Variants in SMYD3 observed in about 807,000 individuals in gnomAD.
The protein encoded by SMYD3 is SET and MYND domain containing 3.
SMYD3 carries 36 observed loss-of-function variants against 57.7 expected under a neutral mutation model. That is an observed-to-expected ratio of 0.62 (90% CI 0.48 to 0.82). The LOEUF (loss-of-function observed/expected upper bound fraction) is 0.82. SMYD3 is among the 40% of genes least tolerant of loss of function. The pLI, the probability that SMYD3 is intolerant of heterozygous loss-of-function variation, is 0.00. For synonymous variants in SMYD3, 211 were observed against 195.0 expected, an observed-to-expected ratio of 1.08 and a Z score of -0.68; for missense variants, 515 against 538.8, an observed-to-expected ratio of 0.96 and a Z score of 0.44.
rs544528726 is a variant in SMYD3 at position 246,134,893 on chromosome 1, A to G, written c.531+192308T>C. 4.0e-5 allele frequency among the ~76,000 whole-genome samples: 6 copies of G among 151,862 alleles called. No individual in the cohort carries two copies. In the South Asian group the frequency reaches 1.0e-3, roughly 26 times the overall value. ...AGTGTGCTTGTTTGCATATCACACC[A>G]AACTAAAATTACATCCCCAAGAAAA... is the stretch of plus-strand genomic sequence containing the variant. On this transcript the variant is annotated intron_variant, in intron 5 of 11. Transcript: ENST00000490107.
chr1:246,467,900 G>C (rs2067902869), intron 1 of SMYD3, among the ~76,000 whole-genome samples: 1 of 152,134 alleles, frequency 6.6e-6, no homozygotes, highest in Admixed American at 6.5e-5. Context: ...ACATCAAAAA[G>C]AGCACTCACC....
chr1:246,079,770 G>T (rs2147830972), intron 5 of SMYD3, among the ~76,000 whole-genome samples: 1 of 152,272 alleles, frequency 6.6e-6, no homozygotes, highest in South Asian at 2.1e-4. Flanking sequence ...CAAAGTAGGG[G>T]ATGTTAACAA....
At chr1:246,128,807 T>G (rs1296342683) in intron 5 of SMYD3, among the ~76,000 whole-genome samples, 1 of 152,074 alleles carries the variant, frequency 6.6e-6, no homozygotes, top group African/African-American at 2.4e-5. Flanking sequence ...TTTGGTTTTG[T>G]TTTGTTTTGC....
At chr1:246,357,499 CG>C (rs2065926691) in intron 1 of SMYD3, among the ~76,000 whole-genome samples, 1 of 152,160 alleles carries the variant, frequency 6.6e-6, no homozygotes, top group South Asian at 2.1e-4. Flanking sequence ...CAGCAGGCCT[CG>C]GGGCTGCTCT....
intron 10 of SMYD3, among the ~76,000 whole-genome samples, chr1:245,796,659 G>C (rs2047534139): frequency 6.6e-6 from 1 of 152,096 alleles, no homozygotes; most frequent in African/African-American, 2.4e-5. Flanking sequence ...AATCAGTGAG[G>C]CCAGATCAAT....
At chr1:245,911,749 G>C (rs1037259867) in intron 8 of SMYD3, among the ~76,000 whole-genome samples, 2 of 151,972 alleles carry the variant, frequency 1.3e-5, no homozygotes, top group African/African-American at 4.8e-5. Context: ...TAGGTAGAGG[G>C]ATTAAGAGGG....
At chr1:246,431,087 T>G (rs1039025516) in intron 1 of SMYD3, among the ~76,000 whole-genome samples, 7 of 152,096 alleles carry the variant, frequency 4.6e-5, no homozygotes, top group Admixed American at 1.3e-4. Context: ...CAGAAAAGGA[T>G]GCTTAGAAAA....
chr1:246,208,433 A>T (rs1053096663), intron 5 of SMYD3, among the ~76,000 whole-genome samples: 5 of 152,130 alleles, frequency 3.3e-5, no homozygotes, highest in Non-Finnish European at 5.9e-5. Context: ...AATATTCTGA[A>T]TAGTTCACTT....
At chr1:246,312,962 T>G (rs1483549677) in intron 5 of SMYD3, among the ~76,000 whole-genome samples, 1 of 152,148 alleles carries the variant, frequency 6.6e-6, no homozygotes, top group African/African-American at 2.4e-5. Context: ...TTACCCAGGC[T>G]GCAATGCAGT....
rs940162891 is a variant in SMYD3 at position 246,243,169 on chromosome 1, C to T, written c.531+84032G>A. On this transcript the variant is annotated intron_variant, in intron 5 of 11. Transcript: ENST00000490107. The stretch of plus-strand genomic sequence containing the variant: ...ATATACATTCTTCTCAGCACCACAT[C>T]GCACTTATTCAAAGTTATTTATCTT... 4.6e-5 allele frequency among the ~76,000 whole-genome samples: 7 copies of T among 152,062 alleles called. No homozygotes were observed. The East Asian group carries it at 5.8e-4, about 13-fold the overall frequency.
In SMYD3 at chr1:246,056,136, T is replaced by G. The variant is rs535176626; in HGVS notation, c.532-126199A>C. Reference sequence around the variant, plus strand: ...CTGTGGCTTCATGGGTATATAAAACTGTCAAAATTCATCCAATTAAATAGA... The same window carrying G: ...CTGTGGCTTCATGGGTATATAAAACGGTCAAAATTCATCCAATTAAATAGA... On this transcript the variant is annotated intron_variant, in intron 5 of 11. Transcript: ENST00000490107. Among the ~76,000 whole-genome samples the G allele has an allele frequency of 4.6e-5, 7 of 152,308 alleles. No homozygotes were observed. The East Asian group carries it at 1.2e-3, about 25-fold the overall frequency.
intron 4 of SMYD3, among the ~76,000 whole-genome samples, chr1:246,328,674 T>A (rs1302014654): frequency 6.6e-6 from 1 of 151,574 alleles, no homozygotes; most frequent in Non-Finnish European, 1.5e-5. Context: ...ATATGTTTTT[T>A]TATTTTATTT....
rs2063007647 is a variant in SMYD3, at chr1:246,206,812, C to T, written c.531+120389G>A. Among the ~76,000 whole-genome samples the T allele has an allele frequency of 2.0e-5, 3 of 152,166 alleles. 1 individual carries two copies. Among genetic ancestry groups the T allele is most frequent in the African/African-American group, 7.2e-5 (3 of 41,414 alleles). ...GTTGGGAAAACTTTAAAACCTTAGC[C>T]ACTTTAGAGTAATCATATTAAATTT... On this transcript the variant is annotated intron_variant, in intron 5 of 11. Transcript: ENST00000490107.
chr1:246,409,393 T>G (rs2066923374), intron 1 of SMYD3, among the ~76,000 whole-genome samples: 1 of 152,222 alleles, frequency 6.6e-6, no homozygotes, highest in African/African-American at 2.4e-5. Context: ...TTTCTACATA[T>G]GGCTAGCCAG....
intron 5 of SMYD3, among the ~76,000 whole-genome samples, chr1:246,217,987 G>A (rs544070972): frequency 1.4e-4 from 21 of 152,172 alleles, no homozygotes; most frequent in African/African-American, 3.9e-4. Context: ...GAATGTTCAT[G>A]GCAATGATAT....
At chr1:246,130,280 T>C (rs1057009053) in intron 5 of SMYD3, among the ~76,000 whole-genome samples, 2 of 152,282 alleles carry the variant, frequency 1.3e-5, no homozygotes, top group Non-Finnish European at 2.9e-5. Flanking sequence ...TGTCCAACTT[T>C]TCATGAAGTT....
chr1:246,094,617 A>G (rs952761981), intron 5 of SMYD3, among the ~76,000 whole-genome samples: 3 of 152,202 alleles, frequency 2.0e-5, no homozygotes, highest in Admixed American at 1.3e-4. Context: ...AACAAGGTCA[A>G]AGAATTGCCG....
chr1:246,386,938 C>T (rs183351019), intron 1 of SMYD3, among the ~76,000 whole-genome samples: 249 of 150,598 alleles, frequency 1.7e-3, no homozygotes, highest in Admixed American at 3.1e-3. Context: ...AAAGGGACTA[C>T]ACAATAAGCG....
chr1:245,882,029 G>T (rs1286145539), intron 8 of SMYD3, among the ~76,000 whole-genome samples: 2 of 152,234 alleles, frequency 1.3e-5, no homozygotes, highest in Non-Finnish European at 2.9e-5. Context: ...AAAGTGGGAA[G>T]TTGCTCAAGA....
Sources: gnomAD v4.1 joint callset for allele counts (sites outside exome capture counted in the v4.1 genomes callset) on GRCh38, gnomAD v4.1.1 for gene constraint, MANE v1.5 for transcripts, NCBI Gene and HGNC (gene_info 2026-07-23, HGNC 2026-07-21) for gene names.